The following CPE variants were observed in gnomAD, a reference collection of about 807,000 sequenced individuals.
CPE encodes the protein carboxypeptidase E, also known as carbocypeptidase E.
In CPE, 17 loss-of-function variants were observed where a neutral mutation model predicts 53.5. That is an observed-to-expected ratio of 0.32 (90% CI 0.22 to 0.48). The LOEUF (loss-of-function observed/expected upper bound fraction) is 0.48. Ranked by LOEUF, CPE falls within the 20% of genes least tolerant of loss-of-function variation. The pLI, the probability that CPE is intolerant of heterozygous loss-of-function variation, is 0.99. For synonymous variants in CPE, 226 were observed against 228.8 expected (o/e 0.99, Z 0.11); for missense variants, 524 against 614.7 (o/e 0.85, Z 1.56).
chr4:165,381,992 C>A (rs1311277816), intron 1 of CPE, among the ~76,000 whole-genome samples: 1 of 152,196 alleles, frequency 6.6e-6, no homozygotes, highest in Admixed American at 6.5e-5. Context: ...GAAGATAACA[C>A]AGAAGATAGT....
rs1732227804 is a variant in CPE, at chr4:165,472,617, A to G, written c.672+4762A>G. Among the ~76,000 whole-genome samples, 3 of 152,242 alleles carry G rather than the reference A, an allele frequency of 2.0e-5. No homozygotes were observed. In the South Asian group the frequency reaches 6.2e-4, roughly 31 times the overall value. On this transcript the variant is annotated intron_variant, in intron 3 of 8. Transcript: ENST00000402744. ...TTTTCAATTTGTGGAAAAACTGAAC[A>G]ATAGTTCTTTAACTTTAGCCAATAT...
At chr4:165,435,358 T>G (rs1000713847) in intron 1 of CPE, among the ~76,000 whole-genome samples, 4 of 151,178 alleles carry the variant, frequency 2.6e-5, no homozygotes, top group Admixed American at 1.3e-4. Context: ...AAAAACTGAC[T>G]TTGGAAAAGA....
At position 165,482,343 on chromosome 4, in the gene CPE, T is replaced by C. The variant is rs1298314339; in HGVS notation, c.774T>C (p.Tyr258=). Reference sequence around the variant, plus strand: ...GAGACCTTGTGGCCAATTATCCATATGATGAGACGCGGAGTGGTAGGTATT... The same window carrying C: ...GAGACCTTGTGGCCAATTATCCATACGATGAGACGCGGAGTGGTAGGTATT... ...HGGDLVANYP[Y]DETRSGSAHE... The change falls in exon 4 of 9, where the codon TAT becomes TAC. Residue 258 remains tyrosine (Y), a synonymous_variant. Coordinates refer to ENST00000402744, the MANE Select transcript of CPE (RefSeq NM_001873.4). 2.5e-6 allele frequency: 4 copies of C among 1,611,638 alleles called. No individual in the cohort carries two copies. Among genetic ancestry groups the C allele is most frequent in the Non-Finnish European group, 3.4e-6 (4 of 1,177,716 alleles).
intron 1 of CPE, among the ~76,000 whole-genome samples, chr4:165,410,460 G>A (rs1731024704): frequency 6.6e-6 from 1 of 152,092 alleles, no homozygotes; most frequent in Non-Finnish European, 1.5e-5. Flanking sequence ...CAGTAACTCT[G>A]CCAAAGACCT....
At chr4:165,436,460 T>C (rs1049532160) in intron 1 of CPE, among the ~76,000 whole-genome samples, 3 of 152,192 alleles carry the variant, frequency 2.0e-5, no homozygotes, top group African/African-American at 7.2e-5. Context: ...GCATGATCTA[T>C]GTAATCAATG....
intron 1 of CPE, among the ~76,000 whole-genome samples, chr4:165,452,224 A>T (rs924799992): frequency 1.1e-4 from 17 of 152,236 alleles, no homozygotes; most frequent in Non-Finnish European, 2.2e-4. Flanking sequence ...CTAATATTCA[A>T]CACTACCGTC....
chr4:165,455,026 C>T (rs1731877984), intron 1 of CPE, among the ~76,000 whole-genome samples: 1 of 152,178 alleles, frequency 6.6e-6, no homozygotes, highest in Non-Finnish European at 1.5e-5. Flanking sequence ...CCAAATCCTT[C>T]CCCACATAAC....
intron 1 of CPE, among the ~76,000 whole-genome samples, chr4:165,460,486 A>C (rs1320154756): frequency 6.6e-6 from 1 of 152,158 alleles, no homozygotes; most frequent in Non-Finnish European, 1.5e-5. Context: ...AAGAGTTTCC[A>C]TTCCTACCTG....
At chr4:165,439,097 G>A (rs1731563159) in intron 1 of CPE, among the ~76,000 whole-genome samples, 1 of 152,138 alleles carries the variant, frequency 6.6e-6, no homozygotes. Flanking sequence ...TAGAAAAAAG[G>A]GAATAATGAG....
chr4:165,442,030 T>G (rs1270584461), intron 1 of CPE, among the ~76,000 whole-genome samples: 1 of 100,870 alleles, frequency 9.9e-6, no homozygotes, highest in East Asian at 3.3e-4. Context: ...TTTGTTTTTT[T>G]TTTTTGTTTT....
intron 1 of CPE, among the ~76,000 whole-genome samples, chr4:165,462,732 T>G (rs1407193456): frequency 1.3e-5 from 2 of 152,168 alleles, no homozygotes; most frequent in Admixed American, 1.3e-4. Context: ...GGGGTAATTT[T>G]ATTAGAGACT....
At chr4:165,468,688 T>A (rs965658397) in intron 3 of CPE, among the ~76,000 whole-genome samples, 5 of 152,256 alleles carry the variant, frequency 3.3e-5, no homozygotes, top group African/African-American at 9.6e-5. Flanking sequence ...TCAGCTGAGA[T>A]CCCCACGGTC....
intron 1 of CPE, among the ~76,000 whole-genome samples, chr4:165,417,595 G>A (rs1448329993): frequency 2.0e-5 from 3 of 150,770 alleles, no homozygotes; most frequent in Non-Finnish European, 4.4e-5. Flanking sequence ...TTTTTTGATG[G>A]TAGAAAATGC....
Position 165,456,781 on chromosome 4 carries a change from G to T in CPE, c.308-7609G>T, listed in dbSNP as rs541174083. Reference sequence around the variant, plus strand: ...TTTTGAGATGGAGTCTCACTCTGTCGCCCAGGCTGGAGTATAGTGGCACGA... The same window carrying T: ...TTTTGAGATGGAGTCTCACTCTGTCTCCCAGGCTGGAGTATAGTGGCACGA... On this transcript the variant is annotated intron_variant, in intron 1 of 8. Transcript: ENST00000402744. Among the ~76,000 whole-genome samples, 344 of 132,710 alleles carry T rather than the reference G, an allele frequency of 2.6e-3. 2 individuals are homozygous for T. The highest frequency in any genetic ancestry group is 9.6e-3 in the African/African-American group (327 of 34,118). The allele number at this position is 132,710 out of a possible 152,430, so 87.1% of individuals were successfully genotyped here.
intron 3 of CPE, among the ~76,000 whole-genome samples, chr4:165,480,275 C>T (rs1385310396): frequency 2.0e-5 from 3 of 152,238 alleles, no homozygotes; most frequent in Admixed American, 1.3e-4. Flanking sequence ...GTTTGGAATA[C>T]ATTTTTAAAT....
At chr4:165,473,581 A>G (rs1732243711) in intron 3 of CPE, among the ~76,000 whole-genome samples, 1 of 152,254 alleles carries the variant, frequency 6.6e-6, no homozygotes, top group Non-Finnish European at 1.5e-5. Flanking sequence ...GGTTGAAGTT[A>G]TTAGTTAAAC....
chr4:165,477,659 T>C (rs189712502), intron 3 of CPE, among the ~76,000 whole-genome samples: 10 of 151,962 alleles, frequency 6.6e-5, no homozygotes, highest in Admixed American at 5.2e-4. Context: ...TTCTGTTTGG[T>C]GGAACAGGGA....
intron 1 of CPE, among the ~76,000 whole-genome samples, chr4:165,462,049 C>T (rs913874225): frequency 3.9e-5 from 6 of 152,138 alleles, no homozygotes; most frequent in Non-Finnish European, 7.3e-5. Flanking sequence ...GTGTTACTAC[C>T]GCCTCACAAA....
chr4:165,472,757 A>AG (rs1189833365), intron 3 of CPE, among the ~76,000 whole-genome samples: 1 of 152,210 alleles, frequency 6.6e-6, no homozygotes, highest in Non-Finnish European at 1.5e-5. Context: ...TCTCTAAACT[A>AG]GGTCAAAAAA....
Sources: allele counts gnomAD v4.1 joint callset (sites outside exome capture counted in the v4.1 genomes callset), GRCh38; gene constraint gnomAD v4.1.1; transcripts MANE v1.5; gene names NCBI Gene and HGNC (gene_info 2026-07-23, HGNC 2026-07-21).